Variants in PALS1 observed in about 807,000 individuals in gnomAD.
PALS1 encodes the protein protein associated with LIN7 1, MAGUK p55 family member.
In PALS1, 31 loss-of-function variants were observed where a neutral mutation model predicts 78.9. That is an observed-to-expected ratio of 0.39 (90% confidence interval 0.30 to 0.53). The LOEUF (loss-of-function observed/expected upper bound fraction) is 0.53, where lower values mean the gene tolerates loss of function less well. Among genes scored for constraint, PALS1 ranks in the 20% least tolerant of loss-of-function variants. PALS1 has a pLI of 0.67. For synonymous variants in PALS1, 276 were observed against 270.9 expected (o/e 1.02, Z -0.18); for missense variants, 704 against 826.5 (o/e 0.85, Z 1.82).
At chr14:67,291,202 C>T (rs553606405) in intron 3 of PALS1, among the ~76,000 whole-genome samples, 27 of 149,936 alleles carry the variant, frequency 1.8e-4, no homozygotes, top group African/African-American at 5.6e-4. Flanking sequence ...ACTCACACAG[C>T]CTATTTGGGA....
At chr14:67,244,446 G>A (rs1212605890) in intron 1 of PALS1, among the ~76,000 whole-genome samples, 1 of 152,124 alleles carries the variant, frequency 6.6e-6, no homozygotes, top group Non-Finnish European at 1.5e-5. Flanking sequence ...CTAATCTGGT[G>A]GATGAGAAAT....
intron 10 of PALS1, 71 bp downstream of exon 10, chr14:67,316,974 A>T (rs886681179): frequency 1.7e-6 from 2 of 1,211,840 alleles, no homozygotes; most frequent in African/African-American, 1.5e-5. Context: ...GTGAATCTGC[A>T]TATTAGAACC....
chr14:67,332,069 G>C (rs1178457005), intron 14 of PALS1, among the ~76,000 whole-genome samples: 1 of 152,214 alleles, frequency 6.6e-6, no homozygotes, highest in Non-Finnish European at 1.5e-5. Flanking sequence ...TAGTATTGAT[G>C]TGTGACTTTT....
At chr14:67,296,274 A>G (rs1463068240) in intron 4 of PALS1, among the ~76,000 whole-genome samples, 3 of 152,172 alleles carry the variant, frequency 2.0e-5, no homozygotes, top group Admixed American at 2.0e-4. Flanking sequence ...AATTTCTTGA[A>G]TGCTAAGTAA....
In PALS1 at chr14:67,244,773, G is replaced by A. The variant is rs542507953; in HGVS notation, c.-237+3240G>A. ...AAAATTAAAAAAAGACCTATCTGTGGTAGACAGAATAAAGGTCTTCAAAGA... is the reference window on the plus strand; with the variant it reads ...AAAATTAAAAAAAGACCTATCTGTGATAGACAGAATAAAGGTCTTCAAAGA... On this transcript the variant is annotated intron_variant, in intron 1 of 14. Transcript: ENST00000261681. Among the ~76,000 whole-genome samples, 3 of 152,296 alleles carry A rather than the reference G, an allele frequency of 2.0e-5. No homozygotes were observed. The East Asian group carries it at 5.8e-4, about 29-fold the overall frequency.
chr14:67,297,842 A>G lies in PALS1; in HGVS notation c.577-3547A>G, dbSNP rs564650061. Among the ~76,000 whole-genome samples, 19 of 152,352 alleles carry G rather than the reference A, an allele frequency of 1.2e-4. No homozygotes were observed. In the South Asian group the frequency reaches 3.9e-3, roughly 32 times the overall value. On this transcript the variant is annotated intron_variant, in intron 4 of 14. Coordinates refer to ENST00000261681, the MANE Select transcript of PALS1 (RefSeq NM_022474.4). The stretch of plus-strand genomic sequence containing the variant: ...CCAATAGTCAGATATGAAGCTGAAT[A>G]AGATACAATTCTATCTTCATTGAGC...
chr14:67,265,595 G>T (rs142260129), intron 1 of PALS1, among the ~76,000 whole-genome samples: 1 of 151,714 alleles, frequency 6.6e-6, no homozygotes, highest in Non-Finnish European at 1.5e-5. Flanking sequence ...AGTGGCTCAC[G>T]CCTGTAATCC....
At chr14:67,287,087 A>G (rs2084701825) in intron 3 of PALS1, among the ~76,000 whole-genome samples, 2 of 151,854 alleles carry the variant, frequency 1.3e-5, no homozygotes, top group African/African-American at 2.4e-5. Flanking sequence ...GTGTGGTGTT[A>G]TGCACCTGTA....
intron 11 of PALS1, among the ~76,000 whole-genome samples, chr14:67,319,665 A>G (rs1162539008): frequency 6.6e-6 from 1 of 152,100 alleles, no homozygotes; most frequent in Non-Finnish European, 1.5e-5. Flanking sequence ...AAGAAAGTTT[A>G]CAAATTCGCA....
At chr14:67,305,454 G>A (rs1032235626) in intron 8 of PALS1, among the ~76,000 whole-genome samples, 1 of 152,002 alleles carries the variant, frequency 6.6e-6, no homozygotes, top group Non-Finnish European at 1.5e-5. Context: ...TAATTTTTTT[G>A]TACTTTTGGT....
chr14:67,279,603 A>T, intron 3 of PALS1, 66 bp downstream of exon 3: 1 of 1,412,442 alleles, frequency 7.1e-7, no homozygotes, highest in Non-Finnish European at 9.5e-7. Flanking sequence ...TATAATGTAT[A>T]TGAGAAGGAA....
rs1221033492 is a variant in PALS1 at position 67,279,015 on chromosome 14, T to C, written c.-153-3T>C. 1.0e-5 allele frequency: 7 copies of C among 691,444 alleles called. No individual in the cohort carries two copies. The East Asian group carries it at 2.2e-4, about 21-fold the overall frequency. 42.8% of individuals were successfully genotyped at this position (691,444 alleles called of 1,614,324 possible). A position where few individuals can be genotyped will look rare whatever the true frequency, so the allele number is the denominator to read the frequency against. On this transcript the variant is annotated splice_region_variant and splice_polypyrimidine_tract_variant and intron_variant, in intron 2 of 14. Coordinates refer to ENST00000261681, the MANE Select transcript of PALS1 (RefSeq NM_022474.4). ...CTTTTTTCCCCCCCATCTTTCCCCT[T>C]AGATTTCCTTCATGGATACTTTTTC... is the stretch of plus-strand genomic sequence containing the variant.
intron 3 of PALS1, among the ~76,000 whole-genome samples, chr14:67,288,280 C>T (rs1274283864): frequency 6.6e-6 from 1 of 152,080 alleles, no homozygotes; most frequent in Non-Finnish European, 1.5e-5. Context: ...CGGGATTTTA[C>T]CATGTTGGCC....
intron 1 of PALS1, among the ~76,000 whole-genome samples, chr14:67,266,587 AAGTGTTGGGATTAC>A (rs2084328777): frequency 6.6e-6 from 1 of 152,058 alleles, no homozygotes; most frequent in Non-Finnish European, 1.5e-5. Context: ...CGGCCTCCCA[AAGTGTTGGGATTAC>A]AGGCATGAGC....
intron 4 of PALS1, among the ~76,000 whole-genome samples, chr14:67,298,404 A>G (rs1747234344): frequency 6.6e-6 from 1 of 151,760 alleles, no homozygotes; most frequent in Non-Finnish European, 1.5e-5. Context: ...AATCCCAGCT[A>G]CTCAGGAGTC....
In PALS1 at chr14:67,273,525, A is replaced by T. The variant is rs1278578779; in HGVS notation, c.-154+3742A>T. On this transcript the variant is annotated intron_variant, in intron 2 of 14. Transcript: ENST00000261681. Reference sequence around the variant, plus strand: ...ATTTTCTTAATCTAGTCTATCATTGATGGACATTTGGGTTGGTTCCAAGTC... The same window carrying T: ...ATTTTCTTAATCTAGTCTATCATTGTTGGACATTTGGGTTGGTTCCAAGTC... Among the ~76,000 whole-genome samples the T allele has an allele frequency of 5.9e-5, 9 of 152,206 alleles. No individual in the cohort carries two copies. In the East Asian group the frequency reaches 1.7e-3, roughly 29 times the overall value.
chr14:67,254,525 T>C (rs1344247990), intron 1 of PALS1, among the ~76,000 whole-genome samples: 2 of 152,220 alleles, frequency 1.3e-5, no homozygotes. Flanking sequence ...GACATTTGTA[T>C]TCTCATTAGC....
chr14:67,261,504 T>C (rs1186640502), intron 1 of PALS1, among the ~76,000 whole-genome samples: 6 of 152,318 alleles, frequency 3.9e-5, no homozygotes, highest in Admixed American at 3.3e-4. Context: ...CTAATTTGTA[T>C]AACAGGAGTC....
At chr14:67,325,071 A>AT (rs1194846135) in intron 14 of PALS1, among the ~76,000 whole-genome samples, 3 of 151,394 alleles carry the variant, frequency 2.0e-5, no homozygotes, top group African/African-American at 4.9e-5. Flanking sequence ...TGCCTGGCTA[A>AT]TTTTTTTGTA....
Sources: gnomAD v4.1 joint callset for allele counts (sites outside exome capture counted in the v4.1 genomes callset) on GRCh38, gnomAD v4.1.1 for gene constraint, MANE v1.5 for transcripts, NCBI Gene and HGNC (gene_info 2026-07-23, HGNC 2026-07-21) for gene names.